Variants in DIAPH3 observed in about 807,000 individuals in gnomAD.
DIAPH3 encodes diaphanous related formin 3.
In DIAPH3, 117 loss-of-function variants were observed where a neutral mutation model predicts 144.3. The observed-to-expected ratio is 0.81, with a 90% CI of 0.70 to 0.95. DIAPH3 has a LOEUF of 0.95. Among genes scored for constraint, DIAPH3 ranks in the 40% least tolerant of loss-of-function variants. The pLI is 0.00. For synonymous variants in DIAPH3, 519 were observed against 488.9 expected, an observed-to-expected ratio of 1.06 and a Z score of -0.81; for missense variants, 1,421 against 1,412.7, an observed-to-expected ratio of 1.01 and a Z score of -0.09.
chr13:59,978,780 C>A (rs930717288), intron 14 of DIAPH3, among the ~76,000 whole-genome samples: 1 of 151,472 alleles, frequency 6.6e-6, no homozygotes, highest in Non-Finnish European at 1.5e-5. Context: ...GTTACTAGAG[C>A]GATATTACAC....
At position 60,016,139 on chromosome 13, in the gene DIAPH3, C is replaced by T. The variant is rs1407655219; in HGVS notation, c.633G>A (p.Val211=). 1.2e-6 allele frequency: 2 copies of T among 1,613,536 alleles called. No individual in the cohort carries two copies. Among genetic ancestry groups the T allele is most frequent in the Non-Finnish European group, 1.7e-6 (2 of 1,179,790 alleles). The change falls in exon 6 of 28, where the codon GTG becomes GTA. Residue 211 remains valine (V), a synonymous_variant. Coordinates refer to ENST00000400324, the MANE Select transcript of DIAPH3 (RefSeq NM_001042517.2). ...CAAGCCCTTCATGTCCAAAGCTTTCCACCCAACTGAAAAACAGAAAAAAGA... is the reference window on the plus strand; with the variant it reads ...CAAGCCCTTCATGTCCAAAGCTTTCTACCCAACTGAAAAACAGAAAAAAGA... The part of the protein sequence containing the change: ...VSLTSNPVSW[V]ESFGHEGLGL...
chr13:59,899,116 C>T (rs2046293953), intron 20 of DIAPH3, among the ~76,000 whole-genome samples: 1 of 152,170 alleles, frequency 6.6e-6, no homozygotes, highest in African/African-American at 2.4e-5. Context: ...CAGGGGCTCT[C>T]AGGCTTCGGT....
intron 5 of DIAPH3, among the ~76,000 whole-genome samples, chr13:60,022,902 C>T (rs2054123225): frequency 6.6e-6 from 1 of 152,054 alleles, no homozygotes; most frequent in African/African-American, 2.4e-5. Context: ...AGTGACTTTT[C>T]CTCTTTTGCT....
intron 1 of DIAPH3, among the ~76,000 whole-genome samples, chr13:60,156,939 A>ATATATATATATATATATTTTTTTTTTT (rs1337230427): frequency 1.2e-5 from 1 of 82,070 alleles, no homozygotes; most frequent in African/African-American, 5.4e-5. Flanking sequence ...ATATATATAT[A>ATATATATATATATATATTTTTTTTTTT]TTTTTTTTTT....
Position 60,049,940 on chromosome 13 carries a change from G to T in DIAPH3, c.496-7120C>A, listed in dbSNP as rs139159599. Among the ~76,000 whole-genome samples, 4 of 152,282 alleles carry T rather than the reference G, an allele frequency of 2.6e-5. No homozygotes were observed. In the East Asian group the frequency reaches 7.7e-4, roughly 29 times the overall value. On this transcript the variant is annotated intron_variant, in intron 4 of 27. Coordinates refer to ENST00000400324, the MANE Select transcript of DIAPH3 (RefSeq NM_001042517.2). ...CATGGTAGCTCATGCCTGTAATTCC[G>T]GCAACTTGGGAGGCTGGGGCAGGAA...
At chr13:59,898,017 C>T (rs1035449009) in intron 20 of DIAPH3, among the ~76,000 whole-genome samples, 10 of 149,774 alleles carry the variant, frequency 6.7e-5, no homozygotes, top group African/African-American at 2.2e-4. Flanking sequence ...GCCTGTAATC[C>T]TAGTTACTCG....
At chr13:60,019,660 T>C (rs954514772) in intron 5 of DIAPH3, among the ~76,000 whole-genome samples, 10 of 150,758 alleles carry the variant, frequency 6.6e-5, no homozygotes, top group African/African-American at 2.4e-4. Flanking sequence ...AGAATTACAA[T>C]GTTTAACCCG....
chr13:59,846,056 T>C (rs1349876726), intron 22 of DIAPH3, among the ~76,000 whole-genome samples: 1 of 152,202 alleles, frequency 6.6e-6, no homozygotes, highest in African/African-American at 2.4e-5. Flanking sequence ...AAGTGTCTTA[T>C]TATTATGATA....
At position 59,810,847 on chromosome 13, in the gene DIAPH3, G is replaced by T; in HGVS notation, c.3104C>A (p.Ala1035Glu). The change falls in exon 25 of 28, where the codon GCA becomes GAA. Residue 1035 changes from alanine (A) to glutamate (E), a missense_variant. Physicochemically the swap from Ala to Glu is moderately radical, Grantham distance 107. Transcript: ENST00000400324. ...EKRVRIAKEL[A>E]ERERLERQQK... ...TTGGCGTTCGAGTCTTTCTCGCTCTGCTAATTCTTTAGCTATTCTGACACG... is the reference window on the plus strand; with the variant it reads ...TTGGCGTTCGAGTCTTTCTCGCTCTTCTAATTCTTTAGCTATTCTGACACG... 1 of 1,613,532 alleles carries T rather than the reference G, an allele frequency of 6.2e-7. No individual in the cohort carries two copies.
At chr13:60,071,312 T>C (rs546443144) in intron 4 of DIAPH3, among the ~76,000 whole-genome samples, 14 of 152,296 alleles carry the variant, frequency 9.2e-5, no homozygotes, top group African/African-American at 3.4e-4. Flanking sequence ...GCAGTCTGCA[T>C]TGCATTCCTC....
At chr13:60,126,947 T>G (rs2059007987) in intron 2 of DIAPH3, among the ~76,000 whole-genome samples, 1 of 151,080 alleles carries the variant, frequency 6.6e-6, no homozygotes, top group Non-Finnish European at 1.5e-5. Context: ...TGACTTAGAG[T>G]TCTACCTTAA....
At chr13:59,910,381 T>C (rs939333854) in intron 20 of DIAPH3, among the ~76,000 whole-genome samples, 7 of 151,798 alleles carry the variant, frequency 4.6e-5, no homozygotes, top group African/African-American at 1.7e-4. Flanking sequence ...CCCTGAAGAA[T>C]TGGAGTAAAA....
chr13:59,828,680 AGCACTGG>A (rs1176143067), intron 24 of DIAPH3, among the ~76,000 whole-genome samples: 2 of 151,662 alleles, frequency 1.3e-5, no homozygotes, highest in African/African-American at 4.8e-5. Context: ...CTCCATGCAA[AGCACTGG>A]GCACTGGATC....
rs748877735 is a variant in DIAPH3 at position 60,017,404 on chromosome 13, CA to C, written c.627-1260del. 1.4e-3 allele frequency among the ~76,000 whole-genome samples: 101 copies of C among 73,742 alleles called. 1 individual carries two copies. The highest frequency in any genetic ancestry group is 1.5e-3 in the Admixed American group (11 of 7,564). The allele number at this position is 73,742 out of a possible 152,430, so 48.4% of individuals were successfully genotyped here. A position where few individuals can be genotyped will look rare whatever the true frequency, so the allele number is the denominator to read the frequency against. ...GGGCAACAAGAGCAAAACTCCATCA[CA>C]AAAAAAAAAAAAAATTCAAGGAATG... On this transcript the variant is annotated intron_variant, in intron 5 of 27. Transcript: ENST00000400324.
chr13:60,060,907 T>C (rs1279129484), intron 4 of DIAPH3, among the ~76,000 whole-genome samples: 1 of 152,054 alleles, frequency 6.6e-6, no homozygotes, highest in Admixed American at 6.6e-5. Context: ...AAAAGATACA[T>C]TCAAATAACC....
intron 22 of DIAPH3, among the ~76,000 whole-genome samples, chr13:59,845,332 G>A (rs1257983074): frequency 2.0e-5 from 3 of 152,028 alleles, no homozygotes; most frequent in East Asian, 3.9e-4. Context: ...GTGAGCCACC[G>A]CGCCTGGCTG....
intron 25 of DIAPH3, among the ~76,000 whole-genome samples, chr13:59,778,473 T>C (rs1232868886): frequency 1.3e-5 from 2 of 152,234 alleles, no homozygotes; most frequent in Non-Finnish European, 2.9e-5. Context: ...TAGCTAAATA[T>C]ATGTTGACTA....
At chr13:59,932,311 C>T (rs1182675296) in intron 17 of DIAPH3, among the ~76,000 whole-genome samples, 6 of 152,006 alleles carry the variant, frequency 3.9e-5, no homozygotes, top group Non-Finnish European at 1.5e-5. Flanking sequence ...TTACTGAACC[C>T]CTATTAAGTA....
chr13:60,054,769 G>A (rs181682589), intron 4 of DIAPH3, among the ~76,000 whole-genome samples: 37 of 152,004 alleles, frequency 2.4e-4, no homozygotes, highest in Middle Eastern at 3.4e-3. Context: ...AATGCATTGC[G>A]ACTATTTCCT....
Sources: allele counts gnomAD v4.1 joint callset (sites outside exome capture counted in the v4.1 genomes callset), GRCh38; gene constraint gnomAD v4.1.1; transcripts MANE v1.5; gene names NCBI Gene and HGNC (gene_info 2026-07-23, HGNC 2026-07-21).